SDK2: variants seen among roughly 807,000 people sequenced by gnomAD.
The protein encoded by SDK2 is protein sidekick-2.
In SDK2, 105 loss-of-function variants were observed where a neutral mutation model predicts 253.9. That is an observed-to-expected ratio of 0.41 (90% CI 0.35 to 0.49). The LOEUF is 0.49. Ranked by LOEUF, SDK2 falls within the 20% of genes least tolerant of loss-of-function variation. The pLI is 0.06. For missense variants in SDK2, 2,608 were observed against 3,003.0 expected (o/e 0.87, Z 3.07); for synonymous variants, 1,249 against 1,234.9 (o/e 1.01, Z -0.24).
chr17:73,446,509 C>A (rs1416695389), intron 5 of SDK2, among the ~76,000 whole-genome samples: 1 of 152,176 alleles, frequency 6.6e-6, no homozygotes, highest in Non-Finnish European at 1.5e-5. Flanking sequence ...GCGGTTCCTG[C>A]TGAAGTGTGA....
At chr17:73,483,526 T>A (rs2063742439) in intron 2 of SDK2, among the ~76,000 whole-genome samples, 1 of 141,860 alleles carries the variant, frequency 7.0e-6, no homozygotes, top group African/African-American at 2.7e-5. Context: ...TGTGTGTATA[T>A]ATATATGTAT....
At chr17:73,480,892 A>T (rs1233528293) in intron 2 of SDK2, among the ~76,000 whole-genome samples, 2 of 152,356 alleles carry the variant, frequency 1.3e-5, no homozygotes, top group East Asian at 3.9e-4. Context: ...AGGGCACCTC[A>T]GGAACAGCAA....
At position 73,496,157 on chromosome 17, in the gene SDK2, G is replaced by A. The variant is rs1340593443; in HGVS notation, c.224+11281C>T. Among the ~76,000 whole-genome samples the A allele has an allele frequency of 6.6e-6, 1 of 152,188 alleles. No individual in the cohort carries two copies. The highest frequency in any genetic ancestry group is 6.5e-5 in the Admixed American group (1 of 15,282). On this transcript the variant is annotated intron_variant, in intron 2 of 44. Transcript: ENST00000392650. This position sits in a 1 kb window ranked among gnomAD's most constrained non-coding sequence, Gnocchi z 4.7. ...TGGGAGTCAGCGTCATGCCCTTGGT[G>A]GCTCTCAGACCATCCTTTCCATTGA...
At chr17:73,547,279 G>A (rs1189301796) in intron 1 of SDK2, among the ~76,000 whole-genome samples, 1 of 152,248 alleles carries the variant, frequency 6.6e-6, no homozygotes, top group Non-Finnish European at 1.5e-5. Context: ...GGATGGGAGA[G>A]GGGAGCCTAA....
chr17:73,537,235 T>G (rs969583974), intron 1 of SDK2, among the ~76,000 whole-genome samples: 4 of 152,296 alleles, frequency 2.6e-5, no homozygotes, highest in Non-Finnish European at 5.9e-5. Flanking sequence ...AAGTTGAAAC[T>G]CAGCCAACCT....
intron 1 of SDK2, among the ~76,000 whole-genome samples, chr17:73,582,150 A>T (rs1446610737): frequency 6.6e-6 from 1 of 152,184 alleles, no homozygotes; most frequent in African/African-American, 2.4e-5. Flanking sequence ...AGGCCCGAGC[A>T]TTTGGGGGCG....
At position 73,437,727 on chromosome 17, in the gene SDK2, C is replaced by T. The variant is rs763081057; in HGVS notation, c.1000+12G>A. ...GGGTCTTTGTCCCCCTCCAGCGGTG[C>T]CACCTCATTACCTTTGGCCTGACAG... On this transcript the variant is annotated intron_variant, in intron 8 of 44. Transcript: ENST00000392650. 3 of 1,610,200 alleles carry T rather than the reference C, an allele frequency of 1.9e-6. No individual in the cohort carries two copies. In the East Asian group the frequency reaches 6.7e-5, roughly 36 times the overall value.
At chr17:73,615,384 C>T (rs1023194087) in intron 1 of SDK2, among the ~76,000 whole-genome samples, 1 of 152,234 alleles carries the variant, frequency 6.6e-6, no homozygotes, top group African/African-American at 2.4e-5. Flanking sequence ...ATGCCCTCCT[C>T]ACCATAAGCC....
chr17:73,583,056 TC>T (rs2045557606), intron 1 of SDK2, among the ~76,000 whole-genome samples: 1 of 152,166 alleles, frequency 6.6e-6, no homozygotes, highest in Non-Finnish European at 1.5e-5. Context: ...CTCCTATGCA[TC>T]CTTTAGGGGT....
intron 1 of SDK2, among the ~76,000 whole-genome samples, chr17:73,509,518 G>A (rs2063961463): frequency 6.6e-6 from 1 of 151,802 alleles, no homozygotes; most frequent in African/African-American, 2.4e-5. Context: ...GGCTGGCCAT[G>A]GTGGCTCATG....
At chr17:73,529,634 A>G (rs2064153856) in intron 1 of SDK2, among the ~76,000 whole-genome samples, 1 of 152,172 alleles carries the variant, frequency 6.6e-6, no homozygotes, top group Non-Finnish European at 1.5e-5. Context: ...GTGCCCTTAC[A>G]AGAAGACCAG....
At chr17:73,595,263 G>A (rs559971839) in intron 1 of SDK2, among the ~76,000 whole-genome samples, 1 of 152,158 alleles carries the variant, frequency 6.6e-6, no homozygotes, top group Non-Finnish European at 1.5e-5. Context: ...AGGCAGGCCT[G>A]GGGGAGAGCG....
At chr17:73,430,688 T>C in intron 11 of SDK2, 75 bp from the exon 12 acceptor site, 2 of 976,158 alleles carry the variant, frequency 2.0e-6, no homozygotes. Flanking sequence ...GTGGATACCA[T>C]ATGAAAGCCC....
intron 1 of SDK2, chr17:73,518,380 T>C (rs1464173754): frequency 6.6e-6 from 1 of 152,064 alleles, no homozygotes; most frequent in Non-Finnish European, 1.5e-5. Context: ...CTCGTTGGCC[T>C]ATGGAAAGGG....
intron 2 of SDK2, among the ~76,000 whole-genome samples, chr17:73,483,679 AT>A (rs2063749001): frequency 7.6e-5 from 4 of 52,918 alleles, no homozygotes; most frequent in Non-Finnish European, 1.4e-4. Context: ...ATATATATAT[AT>A]ATTTATATAT....
intron 1 of SDK2, among the ~76,000 whole-genome samples, chr17:73,510,677 A>G (rs917702180): frequency 6.6e-6 from 1 of 152,088 alleles, no homozygotes. Flanking sequence ...TATTTTTAGT[A>G]GAGATGGGGT....
chr17:73,519,028 A>T (rs1002399773), intron 1 of SDK2: 2 of 152,056 alleles, frequency 1.3e-5, no homozygotes, highest in African/African-American at 4.8e-5. Context: ...AAGCCTGGGG[A>T]CTCTGGTGAC....
intron 1 of SDK2, among the ~76,000 whole-genome samples, chr17:73,610,930 C>T (rs1018599782): frequency 1.3e-5 from 2 of 152,024 alleles, no homozygotes; most frequent in Admixed American, 6.6e-5. Context: ...CCTGTGCCCC[C>T]CACCTCCCAG....
intron 18 of SDK2, among the ~76,000 whole-genome samples, chr17:73,407,607 A>C (rs552737760): frequency 6.6e-6 from 1 of 152,036 alleles, no homozygotes; most frequent in Non-Finnish European, 1.5e-5. Context: ...TTTTTTAGAA[A>C]TAGAGATAGC....
Sources: allele counts gnomAD v4.1 joint callset (sites outside exome capture counted in the v4.1 genomes callset), GRCh38; gene constraint gnomAD v4.1.1; non-coding constraint Gnocchi (gnomAD v3.1); transcripts MANE v1.5; gene names NCBI Gene and HGNC (gene_info 2026-07-23, HGNC 2026-07-21).